Variants in HOMER1 observed in about 807,000 individuals in gnomAD.
HOMER1 encodes homer protein homolog 1.
Under a neutral mutation model 48.9 loss-of-function variants are expected in HOMER1, and 3 were observed. The ratio of observed to expected loss-of-function variants is 0.06; its 90% CI spans 0.03 to 0.16. HOMER1 has a LOEUF of 0.16. Among genes scored for constraint, HOMER1 ranks in the 10% least tolerant of loss-of-function variants. The pLI is 1.00. For missense variants in HOMER1, 247 were observed against 411.4 expected, an observed-to-expected ratio of 0.60 and a Z score of 3.46; for synonymous variants, 134 against 146.4, an observed-to-expected ratio of 0.92 and a Z score of 0.61.
At position 79,375,454 on chromosome 5, in the gene HOMER1, T is replaced by G. The variant is rs1748745681; in HGVS notation, c.*555A>C. The stretch of plus-strand genomic sequence containing the variant: ...CTCTATACACCCAGTTATAGTATAT[T>G]TCAATTAAAGATACAGCTCTCTCTC... On this transcript the variant is annotated 3_prime_UTR_variant, in exon 9 of 9. Coordinates refer to ENST00000334082, the MANE Select transcript of HOMER1 (RefSeq NM_004272.5). 6.6e-6 allele frequency: 1 copy of G among 152,088 alleles called. No homozygotes were observed. Among genetic ancestry groups the G allele is most frequent in the African/African-American group, 2.4e-5 (1 of 41,430 alleles). The allele number at this position is 152,088 out of a possible 1,614,324, so 9.4% of individuals were successfully genotyped here.
chr5:79,467,030 T>TC (rs1484705238), intron 1 of HOMER1, among the ~76,000 whole-genome samples: 3 of 152,140 alleles, frequency 2.0e-5, no homozygotes, highest in African/African-American at 7.2e-5. Flanking sequence ...GATCTTGTGA[T>TC]CTGCCTGCCT....
At chr5:79,469,273 T>C (rs1008768130) in intron 1 of HOMER1, among the ~76,000 whole-genome samples, 2 of 152,166 alleles carry the variant, frequency 1.3e-5, no homozygotes, top group African/African-American at 2.4e-5. Context: ...CAAAAAACAA[T>C]TTACACAAAA....
intron 1 of HOMER1, among the ~76,000 whole-genome samples, chr5:79,489,122 G>T (rs923947534): frequency 6.6e-6 from 1 of 152,122 alleles, no homozygotes; most frequent in African/African-American, 2.4e-5. Context: ...AAAAAATCTT[G>T]TTAATAGAAG....
At chr5:79,456,841 T>A in intron 2 of HOMER1, 21 bp downstream of exon 2, 1 of 1,601,668 alleles carries the variant, frequency 6.2e-7, no homozygotes, top group Non-Finnish European at 8.5e-7. Context: ...AGCCAAATCA[T>A]TCAAAGTAAA....
chr5:79,390,315 A>C (rs1341702538), intron 8 of HOMER1, among the ~76,000 whole-genome samples: 2 of 151,600 alleles, frequency 1.3e-5, no homozygotes, highest in Non-Finnish European at 1.5e-5. Context: ...ACAAACAAAA[A>C]CCCCCAAAAA....
At chr5:79,436,772 A>G (rs1336114924) in intron 5 of HOMER1, among the ~76,000 whole-genome samples, 1 of 152,224 alleles carries the variant, frequency 6.6e-6, no homozygotes, top group Non-Finnish European at 1.5e-5. Flanking sequence ...TTAACTTAAA[A>G]TACTCAGTGT....
intron 1 of HOMER1, among the ~76,000 whole-genome samples, chr5:79,474,448 T>A (rs1256028973): frequency 2.0e-5 from 3 of 152,080 alleles, no homozygotes; most frequent in Non-Finnish European, 4.4e-5. Context: ...AAAGATGCCT[T>A]CACTGAATTA....
chr5:79,479,069 T>A (rs1389190029), intron 1 of HOMER1, among the ~76,000 whole-genome samples: 1 of 152,178 alleles, frequency 6.6e-6, no homozygotes, highest in Non-Finnish European at 1.5e-5. Flanking sequence ...TTCTGAATCA[T>A]CACAACTAAA....
intron 2 of HOMER1, among the ~76,000 whole-genome samples, chr5:79,453,654 T>C (rs764510613): frequency 1.3e-5 from 2 of 152,176 alleles, no homozygotes; most frequent in Non-Finnish European, 2.9e-5. Flanking sequence ...GCAGTGTCAT[T>C]ACTACCTCAT....
chr5:79,377,709 A>G (rs1748811977), intron 8 of HOMER1, among the ~76,000 whole-genome samples: 1 of 152,232 alleles, frequency 6.6e-6, no homozygotes, highest in South Asian at 2.1e-4. Context: ...AATCTGGTAA[A>G]TGTTAAATGA....
At chr5:79,461,848 C>CAGAA (rs1257561375) in intron 1 of HOMER1, among the ~76,000 whole-genome samples, 2 of 152,090 alleles carry the variant, frequency 1.3e-5, no homozygotes, top group East Asian at 3.9e-4. Context: ...CAAAGTAACT[C>CAGAA]TTCTAAGAAA....
At chr5:79,510,705 G>A (rs1477155765) in intron 1 of HOMER1, 11 of 844,132 alleles carry the variant, frequency 1.3e-5, no homozygotes, top group Non-Finnish European at 1.8e-5. Context: ...GGTGTCAGCC[G>A]CAAGCTCAAC....
In HOMER1 at chr5:79,451,134, G is replaced by A. The variant is rs1405849187; in HGVS notation, c.163-13C>T. The A allele has an allele frequency of 1.9e-6, 3 of 1,605,590 alleles. No homozygotes were observed. Among genetic ancestry groups the A allele is most frequent in the African/African-American group, 1.3e-5 (1 of 74,754 alleles). ...TATTTATTATTGCCTAAAAAATAAA[G>A]CAAGTATGAGCAACCAGCAAAAAAT... is the stretch of plus-strand genomic sequence containing the variant. On this transcript the variant is annotated splice_polypyrimidine_tract_variant and intron_variant, in intron 2 of 8. Transcript: ENST00000334082.
Position 79,513,415 on chromosome 5 carries a change from A to C in HOMER1, c.-641T>G, listed in dbSNP as rs1367052466. 3 of 152,774 alleles carry C rather than the reference A, an allele frequency of 2.0e-5. No individual in the cohort carries two copies. The highest frequency in any genetic ancestry group is 4.4e-5 in the Non-Finnish European group (3 of 68,466). The allele number at this position is 152,774 out of a possible 1,614,324, so 9.5% of individuals were successfully genotyped here. Reference sequence around the variant, plus strand: ...CTTTTTAAATGTTTCTCCTCCTAAGACTCGGAGCAGAGAAGAGGTGGGGAG... The same window carrying C: ...CTTTTTAAATGTTTCTCCTCCTAAGCCTCGGAGCAGAGAAGAGGTGGGGAG... On this transcript the variant is annotated 5_prime_UTR_variant, in exon 1 of 9. Coordinates refer to ENST00000334082, the MANE Select transcript of HOMER1 (RefSeq NM_004272.5).
chr5:79,505,218 C>G (rs1365735900), intron 1 of HOMER1, among the ~76,000 whole-genome samples: 1 of 152,026 alleles, frequency 6.6e-6, no homozygotes, highest in African/African-American at 2.4e-5. Flanking sequence ...GAGATGGTGC[C>G]ACTTCACTCC....
chr5:79,483,722 A>C (rs1376789765), intron 1 of HOMER1, among the ~76,000 whole-genome samples: 1 of 151,416 alleles, frequency 6.6e-6, no homozygotes, highest in Non-Finnish European at 1.5e-5. Flanking sequence ...TAATTGCAAA[A>C]GTCTCTTTAA....
intron 5 of HOMER1, among the ~76,000 whole-genome samples, chr5:79,432,559 A>C (rs1020826499): frequency 1.1e-4 from 17 of 152,168 alleles, no homozygotes; most frequent in Admixed American, 5.2e-4. Context: ...TCTTGTGAAT[A>C]ATCTTTACCA....
intron 1 of HOMER1, among the ~76,000 whole-genome samples, chr5:79,493,108 G>T (rs983812300): frequency 6.6e-6 from 1 of 151,688 alleles, no homozygotes; most frequent in South Asian, 2.1e-4. Flanking sequence ...TAGTAGAGAC[G>T]GAGTTTCGCC....
intron 5 of HOMER1, among the ~76,000 whole-genome samples, chr5:79,428,175 GAATA>G (rs1367795127): frequency 1.3e-5 from 2 of 151,998 alleles, no homozygotes; most frequent in Non-Finnish European, 2.9e-5. Context: ...ATTTGTCAAT[GAATA>G]AATTCCTAAA....
Sources: allele counts gnomAD v4.1 joint callset (sites outside exome capture counted in the v4.1 genomes callset), GRCh38; gene constraint gnomAD v4.1.1; transcripts MANE v1.5; gene names NCBI Gene and HGNC (gene_info 2026-07-23, HGNC 2026-07-21).